Variants in SPTBN4 observed in about 807,000 individuals in gnomAD.
SPTBN4 encodes spectrin beta, non-erythrocytic 4.
SPTBN4 carries 96 observed loss-of-function variants against 277.8 expected under a neutral mutation model. The ratio of observed to expected loss-of-function variants is 0.35; its 90% CI spans 0.29 to 0.41. SPTBN4 has a LOEUF of 0.41. Among genes scored for constraint, SPTBN4 ranks in the 10% least tolerant of loss-of-function variants. SPTBN4 has a pLI of 1.00. For synonymous variants in SPTBN4, 1,481 were observed against 1,580.3 expected, an observed-to-expected ratio of 0.94 and a Z score of 1.49; for missense variants, 3,006 against 3,595.7, an observed-to-expected ratio of 0.84 and a Z score of 4.19.
intron 1 of SPTBN4, among the ~76,000 whole-genome samples, chr19:40,467,632 G>GT (rs1401144529): frequency 1.3e-5 from 2 of 151,890 alleles, no homozygotes; most frequent in South Asian, 2.1e-4. Context: ...GCGGGGGGGG[G>GT]GGGGTGTTGG....
intron 19 of SPTBN4, 55 bp downstream of exon 19, chr19:40,532,826 G>T (rs2080693587): frequency 6.5e-7 from 1 of 1,546,532 alleles, no homozygotes. Context: ...CCTCCAGGGA[G>T]CCCACGTCTC....
At position 40,490,003 on chromosome 19, in the gene SPTBN4, A is replaced by T; in HGVS notation, c.322-72A>T. The T allele has an allele frequency of 6.9e-7, 1 of 1,444,774 alleles. No homozygotes were observed. The highest frequency in any genetic ancestry group is 9.2e-7 in the Non-Finnish European group (1 of 1,092,502). The allele number at this position is 1,444,774 out of a possible 1,614,324, so 89.5% of individuals were successfully genotyped here. A position where few individuals can be genotyped will look rare whatever the true frequency, so the allele number is the denominator to read the frequency against. On this transcript the variant is annotated intron_variant, in intron 3 of 35. Transcript: ENST00000598249. This position sits in a 1 kb window ranked among gnomAD's most constrained non-coding sequence, Gnocchi z 4.3. ...GCCACGGGAGGCGGGCTTCTTTGGA[A>T]GCTGCGGGGCCGAGGGCGCCATACT...
At position 40,569,741 on chromosome 19, in the gene SPTBN4, G is replaced by T. The variant is rs556416991; in HGVS notation, c.7026+15G>T. The T allele has an allele frequency of 6.9e-6, 11 of 1,604,132 alleles. No individual in the cohort carries two copies. The South Asian group carries it at 1.1e-4, about 16-fold the overall frequency. On this transcript the variant is annotated intron_variant, in intron 32 of 35. Transcript: ENST00000598249. Reference sequence around the variant, plus strand: ...TGCCTGCTGGGGTAAGTTGAGCCTCGGATGGGTGGGGATAGGAGGACCCCT... The same window carrying T: ...TGCCTGCTGGGGTAAGTTGAGCCTCTGATGGGTGGGGATAGGAGGACCCCT...
chr19:40,475,817 G>A (rs1353083167), intron 2 of SPTBN4, among the ~76,000 whole-genome samples: 4 of 151,754 alleles, frequency 2.6e-5, no homozygotes, highest in South Asian at 2.1e-4. Context: ...AGGCCGAGGC[G>A]GGCGGATCGC....
rs537950902 is a variant in SPTBN4 at position 40,519,849 on chromosome 19, C to T, written c.3352C>T (p.Leu1118=). 2.7e-5 allele frequency: 39 copies of T among 1,452,456 alleles called. No homozygotes were observed. The highest frequency in any genetic ancestry group is 3.2e-5 in the Non-Finnish European group (36 of 1,115,592). The allele number at this position is 1,452,456 out of a possible 1,614,324, so 90.0% of individuals were successfully genotyped here. ...GGCGGCGGGCGGCAGCGAGGGGCCC[C>T]TGCCCAACAGCCTAGAAGAGGCGGA... ...QEAAGGSEGP[L]PNSLEEADAL... is the part of the protein sequence containing the mutation. The change falls in exon 16 of 36, where the codon CTG becomes TTG. Residue 1118 remains leucine, a synonymous_variant. Coordinates refer to ENST00000598249, the MANE Select transcript of SPTBN4 (RefSeq NM_020971.3). This position sits in a 1 kb window ranked among gnomAD's most constrained non-coding sequence, Gnocchi z 5.7.
rs559850352 is a variant in SPTBN4, at chr19:40,532,845, C to T, written c.4095+74C>T. On this transcript the variant is annotated intron_variant, in intron 19 of 35. Transcript: ENST00000598249. Reference sequence around the variant, plus strand: ...CAGGGAGCCCACGTCTCACCTGCTGCACCCGCTGCTGCCATCCTGCTGGTC... The same window carrying T: ...CAGGGAGCCCACGTCTCACCTGCTGTACCCGCTGCTGCCATCCTGCTGGTC... The T allele has an allele frequency of 9.4e-5, 140 of 1,491,770 alleles. No homozygotes were observed. In the African/African-American group the frequency reaches 1.8e-3, roughly 20 times the overall value. The allele number at this position is 1,491,770 out of a possible 1,614,324, so 92.4% of individuals were successfully genotyped here. A position where few individuals can be genotyped will look rare whatever the true frequency, so the allele number is the denominator to read the frequency against.
intron 31 of SPTBN4, among the ~76,000 whole-genome samples, chr19:40,568,977 G>A (rs903526832): frequency 6.6e-6 from 1 of 152,086 alleles, no homozygotes; most frequent in African/African-American, 2.4e-5. Flanking sequence ...TCCCATCCCT[G>A]ACTTTAGAGA....
At chr19:40,486,128 A>G (rs1390145669) in intron 2 of SPTBN4, among the ~76,000 whole-genome samples, 1 of 151,808 alleles carries the variant, frequency 6.6e-6, no homozygotes, top group Non-Finnish European at 1.5e-5. Context: ...CTGTCTCCAC[A>G]CCAAATACAA....
At chr19:40,557,622 T>C (rs2080996769) in intron 26 of SPTBN4, among the ~76,000 whole-genome samples, 1 of 152,138 alleles carries the variant, frequency 6.6e-6, no homozygotes, top group South Asian at 2.1e-4. Flanking sequence ...AGTGGTACCT[T>C]AGAAGGTCTC....
rs767195625 is a variant in SPTBN4, at chr19:40,557,257, G to A, written c.5524G>A (p.Asp1842Asn). 1 of 1,613,728 alleles carries A rather than the reference G, an allele frequency of 6.2e-7. No individual in the cohort carries two copies. The highest frequency in any genetic ancestry group is 8.5e-7 in the Non-Finnish European group (1 of 1,179,868). ...ASRELHKFFS[D>N]ARELQGQIEE... ...TCGGGAGCTTCATAAGTTCTTCAGT[G>A]ACGCCCGAGAGCTTCAGGGACAGAT... is the stretch of plus-strand genomic sequence containing the variant. The change falls in exon 26 of 36, where the codon GAC (aspartate) becomes AAC (asparagine). Residue 1842 changes from aspartate to asparagine, a missense_variant. Around this residue, in one of 5 missense-constraint regions of SPTBN4, gnomAD observed 425 missense variants for 594.7 expected, o/e 0.71. Transcript: ENST00000598249.
rs35237688 is a variant in SPTBN4, at chr19:40,491,713, C to CAAAAAAAAAA, written c.496-1234_496-1225dup. On this transcript the variant is annotated intron_variant, in intron 4 of 35. Transcript: ENST00000598249. ...TGGGTAATAGATAGAGACTCTGTCT[C>CAAAAAAAAAA]AAAAAAAAAAAAAAAAAAAAAAAAA... is the stretch of plus-strand genomic sequence containing the variant. Among the ~76,000 whole-genome samples, 14 of 38,798 alleles carry CAAAAAAAAAA rather than the reference C, an allele frequency of 3.6e-4. 2 individuals are homozygous for CAAAAAAAAAA. The highest frequency in any genetic ancestry group is 1.6e-3 in the African/African-American group (12 of 7,630). The allele number at this position is 38,798 out of a possible 152,430, so 25.5% of individuals were successfully genotyped here. A position where few individuals can be genotyped will look rare whatever the true frequency, so the allele number is the denominator to read the frequency against.
At chr19:40,568,709 T>G (rs1274848062) in intron 31 of SPTBN4, among the ~76,000 whole-genome samples, 2 of 152,166 alleles carry the variant, frequency 1.3e-5, no homozygotes, top group Non-Finnish European at 2.9e-5. Context: ...GGCTGTTGTC[T>G]TCTCCATTGT....
At chr19:40,497,101 A>G (rs1285406363) in intron 6 of SPTBN4, among the ~76,000 whole-genome samples, 1 of 150,490 alleles carries the variant, frequency 6.6e-6, no homozygotes. Context: ...AAAAAGAGGT[A>G]CATGTGTCCT....
At position 40,515,950 on chromosome 19, in the gene SPTBN4, T is replaced by C. The variant is rs4130417; in HGVS notation, c.2903+502T>C. On this transcript the variant is annotated intron_variant, in intron 15 of 35. Transcript: ENST00000598249. This position sits in a 1 kb window ranked among gnomAD's most constrained non-coding sequence, Gnocchi z 4.1. ...ATATACACACATATATACGTATATATACACATATATACGTATATATACACA... is the reference window on the plus strand; with the variant it reads ...ATATACACACATATATACGTATATACACACATATATACGTATATATACACA... Among the ~76,000 whole-genome samples, 16,920 of 68,980 alleles carry C rather than the reference T, an allele frequency of 0.25. 2,531 individuals are homozygous for C. Among genetic ancestry groups the C allele is most frequent in the African/African-American group, 0.55 (9,050 of 16,556 alleles). The allele number at this position is 68,980 out of a possible 152,430, so 45.3% of individuals were successfully genotyped here.
chr19:40,502,305 A>G lies in SPTBN4; in HGVS notation c.1075A>G (p.Lys359Glu), dbSNP rs779466570. The G allele has an allele frequency of 6.2e-7, 1 of 1,613,156 alleles. No homozygotes were observed. The highest frequency in any genetic ancestry group is 8.5e-7 in the Non-Finnish European group (1 of 1,179,812). The stretch of plus-strand genomic sequence containing the variant: ...TTTCACGGCCTATTGCACGCTGGAG[A>G]AGCCTGTCAAGTGAGGCCCAGCTCT... ...QAFTAYCTLE[K>E]PVKFQEKGNL... The change falls in exon 9 of 36, where the codon AAG (lysine) becomes GAG (glutamate). Residue 359 changes from lysine (K) to glutamate (E), a missense_variant. By Grantham distance (56) the Lys-to-Glu change is moderately conservative. Around this residue, in one of 5 missense-constraint regions of SPTBN4, gnomAD observed 1,759 missense variants for 2,061.5 expected, o/e 0.85. Transcript: ENST00000598249. This position sits in a 1 kb window ranked among gnomAD's most constrained non-coding sequence, Gnocchi z 4.9.
At chr19:40,541,814 G>A (rs1033813679) in intron 20 of SPTBN4, among the ~76,000 whole-genome samples, 1 of 151,210 alleles carries the variant, frequency 6.6e-6, no homozygotes, top group Non-Finnish European at 1.5e-5. Flanking sequence ...GCGCGATCTT[G>A]GCTCACTGCA....
intron 12 of SPTBN4, 142 bp from the exon 13 acceptor site, chr19:40,506,094 T>C: frequency 8.7e-7 from 1 of 1,151,286 alleles, no homozygotes; most frequent in Non-Finnish European, 1.2e-6. Context: ...TAAGAGAGTC[T>C]TGAGGCTGGT....
intron 17 of SPTBN4, chr19:40,524,693 T>A (rs1407913172): frequency 2.2e-6 from 1 of 448,898 alleles, no homozygotes. Context: ...ATATTTTGCA[T>A]AAGCACCTCT....
chr19:40,491,713 CAAAAAAAA>C (rs35237688), intron 4 of SPTBN4, among the ~76,000 whole-genome samples: 11 of 38,798 alleles, frequency 2.8e-4, no homozygotes, highest in African/African-American at 1.2e-3. Context: ...GACTCTGTCT[CAAAAAAAA>C]AAAAAAAAAA....
Sources: gnomAD v4.1 joint callset for allele counts (sites outside exome capture counted in the v4.1 genomes callset) on GRCh38, gnomAD v4.1.1 for gene constraint, gnomAD v4.1.1 regional missense constraint, Gnocchi (gnomAD v3.1) non-coding constraint, MANE v1.5 for transcripts, NCBI Gene and HGNC (gene_info 2026-07-23, HGNC 2026-07-21) for gene names.